ESRRG: variants seen among roughly 807,000 people sequenced by gnomAD.
ESRRG encodes estrogen-related receptor gamma.
Under a neutral mutation model 44.0 loss-of-function variants are expected in ESRRG, and 13 were observed. The observed-to-expected ratio is 0.30, with a 90% CI of 0.19 to 0.47. The LOEUF is 0.47. Among genes scored for constraint, ESRRG ranks in the 20% least tolerant of loss-of-function variants. The pLI, the probability that ESRRG is intolerant of heterozygous loss-of-function variation, is 1.00. For missense variants in ESRRG, 395 were observed against 580.6 expected, an observed-to-expected ratio of 0.68 and a Z score of 3.29; for synonymous variants, 215 against 214.6, an observed-to-expected ratio of 1.00 and a Z score of -0.02.
chr1:216,763,146 T>G (rs12405449), intron 2 of ESRRG, among the ~76,000 whole-genome samples: 21,848 of 152,028 alleles, frequency 0.14, 2,038 homozygotes, highest in Middle Eastern at 0.29. Context: ...TGTGAGAAAA[T>G]CAGTTGAGCT....
intron 1 of ESRRG, among the ~76,000 whole-genome samples, chr1:216,994,951 C>G (rs2076193827): frequency 6.6e-6 from 1 of 152,228 alleles, no homozygotes; most frequent in Admixed American, 6.5e-5. Context: ...CAGATTTCTG[C>G]ACACAGATGA....
chr1:216,599,707 G>T (rs1349661478), intron 3 of ESRRG, among the ~76,000 whole-genome samples: 1 of 151,802 alleles, frequency 6.6e-6, no homozygotes, highest in Admixed American at 6.6e-5. Context: ...ACCATTTCCA[G>T]TTAACAAATG....
intron 1 of ESRRG, chr1:216,715,086 CCT>C (rs1181384402): frequency 1.0e-6 from 1 of 985,432 alleles, no homozygotes; most frequent in East Asian, 1.1e-4. Context: ...GAGCCCAACT[CCT>C]GATGCTGTCT....
intron 2 of ESRRG, among the ~76,000 whole-genome samples, chr1:216,909,280 C>T (rs1259995984): frequency 6.6e-6 from 1 of 152,134 alleles, no homozygotes; most frequent in Non-Finnish European, 1.5e-5. Flanking sequence ...TTTAGATTCA[C>T]AAAATTTCAG....
At chr1:217,035,341 A>G (rs1215851477) in intron 1 of ESRRG, among the ~76,000 whole-genome samples, 1 of 150,302 alleles carries the variant, frequency 6.7e-6, no homozygotes, top group African/African-American at 2.4e-5. Context: ...AAAAAAAAAA[A>G]GTGGTGAGCC....
At chr1:217,084,202 A>G (rs2151523656) in intron 1 of ESRRG, among the ~76,000 whole-genome samples, 1 of 152,080 alleles carries the variant, frequency 6.6e-6, no homozygotes, top group Non-Finnish European at 1.5e-5. Context: ...AATAGGATCT[A>G]TTTTCAAATA....
chr1:216,571,691 T>C (rs565960072), intron 3 of ESRRG, among the ~76,000 whole-genome samples: 1 of 152,238 alleles, frequency 6.6e-6, no homozygotes, highest in East Asian at 1.9e-4. Context: ...CATCTATCCA[T>C]TCATTTATCC....
intron 1 of ESRRG, among the ~76,000 whole-genome samples, chr1:217,001,115 T>C (rs556267670): frequency 1.3e-5 from 2 of 152,378 alleles, no homozygotes; most frequent in South Asian, 4.1e-4. Flanking sequence ...ATTTGTCTAA[T>C]GTCTACAGAA....
At chr1:216,510,411 T>G (rs979530411) in intron 6 of ESRRG, among the ~76,000 whole-genome samples, 3 of 152,196 alleles carry the variant, frequency 2.0e-5, no homozygotes, top group African/African-American at 7.2e-5. Flanking sequence ...TTCCAATATT[T>G]TACTCTGTGA....
rs796647150 is a variant in ESRRG at position 216,873,215 on chromosome 1, T to TTTG, written c.-14+66366_-14+66367insCAA. Among the ~76,000 whole-genome samples the TTTG allele has an allele frequency of 8.9e-3, 1,304 of 146,066 alleles. 19 individuals are homozygous for TTTG. The highest frequency in any genetic ancestry group is 0.032 in the African/African-American group (1,242 of 38,788). On this transcript the variant is annotated intron_variant, in intron 2 of 7. Coordinates refer to the ESRRG transcript ENST00000359162. ...GTTCATAAACATCTTTTCAGTTTTT[T>TTTG]TTTTTTTTTTTTTTTGACAGAGTTT...
intron 1 of ESRRG, among the ~76,000 whole-genome samples, chr1:217,103,505 A>T (rs182131881): frequency 9.6e-4 from 146 of 151,544 alleles, no homozygotes; most frequent in Non-Finnish European, 1.8e-3. Flanking sequence ...AATCAAAAAA[A>T]GGTCAGCCAA....
At chr1:216,903,197 C>T (rs945374041) in intron 2 of ESRRG, among the ~76,000 whole-genome samples, 2 of 152,164 alleles carry the variant, frequency 1.3e-5, no homozygotes, top group Non-Finnish European at 2.9e-5. Context: ...CTAGCATAGA[C>T]TGCCAGTGCT....
intron 5 of ESRRG, among the ~76,000 whole-genome samples, chr1:216,563,187 T>C (rs1312437827): frequency 6.6e-5 from 10 of 152,210 alleles, no homozygotes; most frequent in Admixed American, 5.9e-4. Context: ...TAGTTTACAA[T>C]TTGCTTGGCC....
chr1:216,752,923 C>CTGTT (rs1427363465), intron 2 of ESRRG, among the ~76,000 whole-genome samples: 1 of 151,954 alleles, frequency 6.6e-6, no homozygotes, highest in Non-Finnish European at 1.5e-5. Flanking sequence ...TAGAACAGAA[C>CTGTT]TGTTTCAAGA....
intron 3 of ESRRG, among the ~76,000 whole-genome samples, chr1:216,582,062 C>T (rs2149822974): frequency 6.6e-6 from 1 of 152,220 alleles, no homozygotes; most frequent in East Asian, 1.9e-4. Flanking sequence ...ATTATATCTG[C>T]ATAGATTAAA....
intron 3 of ESRRG, among the ~76,000 whole-genome samples, chr1:216,620,589 A>G (rs1222268630): frequency 6.6e-6 from 1 of 152,214 alleles, no homozygotes; most frequent in African/African-American, 2.4e-5. Flanking sequence ...GGAGTCATTG[A>G]CTAATATAAG....
At chr1:216,787,592 A>T (rs1576553347) in intron 2 of ESRRG, among the ~76,000 whole-genome samples, 1 of 119,140 alleles carries the variant, frequency 8.4e-6, no homozygotes, top group South Asian at 3.0e-4. Context: ...ACAGAGCAAG[A>T]CTCCATCAAA....
At chr1:216,973,301 A>G (rs368763843) in intron 1 of ESRRG, among the ~76,000 whole-genome samples, 30 of 151,804 alleles carry the variant, frequency 2.0e-4, no homozygotes, top group African/African-American at 7.2e-4. Flanking sequence ...CTCTGACATC[A>G]CCTCTCATTG....
intron 1 of ESRRG, among the ~76,000 whole-genome samples, chr1:217,044,751 C>T (rs1453214904): frequency 1.3e-5 from 2 of 152,202 alleles, no homozygotes; most frequent in African/African-American, 4.8e-5. Flanking sequence ...TCAGCAAAAA[C>T]AGCCACCAGA....
Sources: allele counts gnomAD v4.1 joint callset (sites outside exome capture counted in the v4.1 genomes callset), GRCh38; gene constraint gnomAD v4.1.1; transcripts MANE v1.5; gene names NCBI Gene and HGNC (gene_info 2026-07-23, HGNC 2026-07-21).